DNALI1: variants seen among roughly 807,000 people sequenced by gnomAD.
The protein encoded by DNALI1 is axonemal dynein light intermediate polypeptide 1.
A neutral mutation model predicts 33.9 loss-of-function variants in DNALI1; 31 were observed. The ratio of observed to expected loss-of-function variants is 0.91; its 90% CI spans 0.69 to 1.23. The LOEUF is 1.23. DNALI1 is among the 50% of genes most tolerant of loss of function. The pLI is 0.00. For missense variants in DNALI1, 305 were observed against 323.8 expected (o/e 0.94, Z 0.44); for synonymous variants, 117 against 129.2 (o/e 0.91, Z 0.64).
rs1304254288 is a variant in DNALI1 at position 37,565,523 on chromosome 1, C to A, written c.*462C>A. 6.3e-6 allele frequency: 1 copy of A among 158,806 alleles called. No individual in the cohort carries two copies. Among genetic ancestry groups the A allele is most frequent in the African/African-American group, 2.4e-5 (1 of 41,550 alleles). 9.8% of individuals were successfully genotyped at this position (158,806 alleles called of 1,614,324 possible). On this transcript the variant is annotated 3_prime_UTR_variant, in exon 6 of 6. Coordinates refer to ENST00000652629, the MANE Select transcript of DNALI1 (RefSeq NM_003462.5). The stretch of plus-strand genomic sequence containing the variant: ...CTTCCTTACTTAATGTCTTCTTTTC[C>A]CTACTCTAATGCATTTCTAACTCAC...
In DNALI1 at chr1:37,566,643, T is replaced by C; in HGVS notation, c.*1582T>C. ...GGTGACTGTGGAACCTCTTAGTTCA[T>C]CCAAAGTCTACCTGAAGTGCTAGAC... On this transcript the variant is annotated 3_prime_UTR_variant, in exon 6 of 6. Transcript: ENST00000652629. 1.8e-6 allele frequency: 1 copy of C among 550,190 alleles called. No homozygotes were observed. Among genetic ancestry groups the C allele is most frequent in the Admixed American group, 3.4e-5 (1 of 29,560 alleles). 34.1% of individuals were successfully genotyped at this position (550,190 alleles called of 1,614,324 possible). A position where few individuals can be genotyped will look rare whatever the true frequency, so the allele number is the denominator to read the frequency against.
chr1:37,566,742 C>T lies in DNALI1; in HGVS notation c.*1681C>T. 1 of 964,282 alleles carries T rather than the reference C, an allele frequency of 1.0e-6. No homozygotes were observed. Among genetic ancestry groups the T allele is most frequent in the Non-Finnish European group, 1.6e-6 (1 of 631,672 alleles). 59.7% of individuals were successfully genotyped at this position (964,282 alleles called of 1,614,324 possible). Reference sequence around the variant, plus strand: ...CCCTAGCACTGGTGAAGGGCTTCAACTGTCAAACCTCAGAACAAATGCATT... The same window carrying T: ...CCCTAGCACTGGTGAAGGGCTTCAATTGTCAAACCTCAGAACAAATGCATT... On this transcript the variant is annotated 3_prime_UTR_variant, in exon 6 of 6. Transcript: ENST00000652629.
Position 37,562,918 on chromosome 1 carries a change from C to T in DNALI1, c.741+673C>T, listed in dbSNP as rs1030956128. Among the ~76,000 whole-genome samples the T allele has an allele frequency of 2.6e-5, 4 of 152,202 alleles. No individual in the cohort carries two copies. The highest frequency in any genetic ancestry group is 9.7e-5 in the African/African-American group (4 of 41,448). ...CAAAAGGTAGGCCCTAGATCAACATCGTCCTCACCTGGCAAAGCAAGACAA... is the reference window on the plus strand; with the variant it reads ...CAAAAGGTAGGCCCTAGATCAACATTGTCCTCACCTGGCAAAGCAAGACAA... On this transcript the variant is annotated intron_variant, in intron 5 of 5. Coordinates refer to ENST00000652629, the MANE Select transcript of DNALI1 (RefSeq NM_003462.5). This position sits in a 1 kb window ranked among gnomAD's most constrained non-coding sequence, Gnocchi z 5.8.
chr1:37,557,130 C>T lies in DNALI1; in HGVS notation c.81+55C>T, dbSNP rs186315730. ...GCCTCGAAACTCCGATAGGGAAAGA[C>T]ACATTCCCGCATGGAGGGTCAGGAA... On this transcript the variant is annotated intron_variant, in intron 1 of 5. Transcript: ENST00000652629. 8.1e-6 allele frequency: 13 copies of T among 1,610,780 alleles called. No homozygotes were observed. In the East Asian group the frequency reaches 2.9e-4, roughly 36 times the overall value.
In DNALI1 at chr1:37,557,064, C is replaced by G; in HGVS notation, c.70C>G (p.Arg24Gly). 1 of 1,614,192 alleles carries G rather than the reference C, an allele frequency of 6.2e-7. No homozygotes were observed. The highest frequency in any genetic ancestry group is 8.5e-7 in the Non-Finnish European group (1 of 1,180,032). ...PVLVSRNTEK[R>G]SPKARLLKVS... ...GCTGGTGAGCCGGAACACGGAGAAA[C>G]GGAGCCCCAAGGTAAAGACGGGGGC... Residue 24 changes from arginine to glycine, a missense_variant, in exon 1 of 6, where the codon CGG becomes GGG. Physicochemically the swap from Arg to Gly is moderately radical, Grantham distance 125 (BLOSUM62 -2). Transcript: ENST00000652629.
At chr1:37,564,916 C>G (rs1570042176) in intron 5 of DNALI1, 110 bp from the exon 6 acceptor site, 2 of 1,166,426 alleles carry the variant, frequency 1.7e-6, no homozygotes, top group Non-Finnish European at 2.6e-6. Flanking sequence ...AAAAAGAACC[C>G]TTGGAGTGAC....
intron 1 of DNALI1, among the ~76,000 whole-genome samples, chr1:37,557,314 C>T (rs939061761): frequency 6.6e-6 from 1 of 152,166 alleles, no homozygotes; most frequent in Non-Finnish European, 1.5e-5. Context: ...ATGGGGCTCA[C>T]TCTTCTTAAT....
intron 5 of DNALI1, among the ~76,000 whole-genome samples, chr1:37,564,449 C>T (rs1643476210): frequency 6.6e-6 from 1 of 151,908 alleles, no homozygotes; most frequent in African/African-American, 2.4e-5. Flanking sequence ...GTGGCACGAT[C>T]TTGGCTCACT....
Position 37,561,230 on chromosome 1 carries a change from G to T in DNALI1, c.398-327G>T. The T allele has an allele frequency of 3.8e-6, 1 of 263,018 alleles. No homozygotes were observed. Among genetic ancestry groups the T allele is most frequent in the Non-Finnish European group, 7.3e-6 (1 of 136,262 alleles). 16.3% of individuals were successfully genotyped at this position (263,018 alleles called of 1,614,324 possible). ...TAAACAGAAAAAGTCAGGTTTTTTC[G>T]AGTAGTAACCAGTTTTTACCTAAGG... On this transcript the variant is annotated intron_variant, in intron 3 of 5. Transcript: ENST00000652629. This position sits in a 1 kb window ranked among gnomAD's most constrained non-coding sequence, Gnocchi z 4.6.
rs1643412011 is a variant in DNALI1, at chr1:37,559,574, T to G, written c.397+78T>G. The G allele has an allele frequency of 7.2e-7, 1 of 1,391,796 alleles. No homozygotes were observed. 86.2% of individuals were successfully genotyped at this position (1,391,796 alleles called of 1,614,324 possible). On this transcript the variant is annotated intron_variant, in intron 3 of 5. Coordinates refer to ENST00000652629, the MANE Select transcript of DNALI1 (RefSeq NM_003462.5). The surrounding 1 kb of genome is among the most constrained non-coding windows in gnomAD (Gnocchi z 5.3). The stretch of plus-strand genomic sequence containing the variant: ...TTCACCTTCAGCACAGATCCAAGCC[T>G]GAGCACCTTGGAGCTGGAGCCCATC...
rs1354783604 is a variant in DNALI1 at position 37,556,960 on chromosome 1, A to T, written c.-35A>T. 6 of 1,614,128 alleles carry T rather than the reference A, an allele frequency of 3.7e-6. No individual in the cohort carries two copies. In the East Asian group the frequency reaches 1.3e-4, roughly 36 times the overall value. The stretch of plus-strand genomic sequence containing the variant: ...ACGGCAAACAAGGCCCACACTGGAC[A>T]GGGCAGCTGCTGGGTTGCTACTCTC... On this transcript the variant is annotated 5_prime_UTR_variant, in exon 1 of 6. Coordinates refer to ENST00000652629, the MANE Select transcript of DNALI1 (RefSeq NM_003462.5).
At position 37,557,741 on chromosome 1, in the gene DNALI1, C is replaced by A. The variant is rs552385945; in HGVS notation, c.220C>A (p.Pro74Thr). The A allele has an allele frequency of 5.6e-6, 9 of 1,613,560 alleles. No individual in the cohort carries two copies. In the South Asian group the frequency reaches 8.8e-5, roughly 16 times the overall value. ...QAEEILNAILPPREWVEDTQL... is the reference protein window; with the variant it reads ...QAEEILNAILTPREWVEDTQL... ...AGAAGAAATCTTGAATGCCATACTA[C>A]CCCCAAGGTAAGAAAGTAGGAGCAG... The change falls in exon 2 of 6, where the codon CCC becomes ACC. Residue 74 changes from proline (P) to threonine (T), a missense_variant. Coordinates refer to ENST00000652629, the MANE Select transcript of DNALI1 (RefSeq NM_003462.5).
intron 2 of DNALI1, 39 bp downstream of exon 2, chr1:37,557,787 C>G: frequency 6.2e-7 from 1 of 1,609,588 alleles, no homozygotes; most frequent in Non-Finnish European, 8.5e-7. Context: ...AAGGCCTAAG[C>G]TTTTACATCG....
intron 3 of DNALI1, among the ~76,000 whole-genome samples, chr1:37,560,127 A>C (rs1019047126): frequency 6.6e-6 from 1 of 152,230 alleles, no homozygotes; most frequent in Non-Finnish European, 1.5e-5. Flanking sequence ...ACAAACGTAC[A>C]ATCAGGTTTT....
Position 37,562,632 on chromosome 1 carries a change from T to C in DNALI1, c.741+387T>C, listed in dbSNP as rs1386638526. 6.6e-6 allele frequency among the ~76,000 whole-genome samples: 1 copy of C among 152,060 alleles called. No homozygotes were observed. The highest frequency in any genetic ancestry group is 1.5e-5 in the Non-Finnish European group (1 of 68,006). ...AGTGCCATCCCATGGCTGTCTCCTCTGAGGCCCTGTTTCAGGGCATAACCA... is the reference window on the plus strand; with the variant it reads ...AGTGCCATCCCATGGCTGTCTCCTCCGAGGCCCTGTTTCAGGGCATAACCA... On this transcript the variant is annotated intron_variant, in intron 5 of 5. Transcript: ENST00000652629. The surrounding 1 kb of genome is among the most constrained non-coding windows in gnomAD (Gnocchi z 5.8).
chr1:37,557,883 C>A, intron 2 of DNALI1, 135 bp downstream of exon 2: 1 of 1,252,190 alleles, frequency 8.0e-7, no homozygotes, highest in Non-Finnish European at 1.1e-6. Flanking sequence ...CTAGAACTTA[C>A]ATATGGCTGG....
chr1:37,560,961 T>G (rs1643430977), intron 3 of DNALI1: 1 of 152,424 alleles, frequency 6.6e-6, no homozygotes, highest in African/African-American at 2.4e-5. Context: ...TGGTGTCAAA[T>G]GGCTGTCTCC....
intron 5 of DNALI1, among the ~76,000 whole-genome samples, chr1:37,564,734 T>C (rs1472077140): frequency 6.6e-6 from 1 of 152,184 alleles, no homozygotes; most frequent in East Asian, 1.9e-4. Flanking sequence ...ACCTGAGCCA[T>C]GAAAAGCCCT....
intron 1 of DNALI1, 70 bp downstream of exon 1, chr1:37,557,145 AG>A: frequency 6.2e-7 from 1 of 1,605,022 alleles, no homozygotes; most frequent in Non-Finnish European, 8.5e-7. Context: ...TCCCGCATGG[AG>A]GGTCAGGAAT....
Sources: allele counts gnomAD v4.1 joint callset (sites outside exome capture counted in the v4.1 genomes callset), GRCh38; gene constraint gnomAD v4.1.1; non-coding constraint Gnocchi (gnomAD v3.1); transcripts MANE v1.5; gene names NCBI Gene and HGNC (gene_info 2026-07-23, HGNC 2026-07-21).